The following SLC14A2 variants were observed in gnomAD, a reference collection of about 807,000 sequenced individuals.
SLC14A2 encodes the protein solute carrier family 14 member 2, also known as urea transporter 2.
In SLC14A2, 91 loss-of-function variants were observed where a neutral mutation model predicts 104.6. The observed-to-expected ratio is 0.87, with a 90% confidence interval of 0.73 to 1.04. The LOEUF is 1.04. SLC14A2 is among the 50% of genes least tolerant of loss of function. The pLI is 0.00. For synonymous variants in SLC14A2, 476 were observed against 466.4 expected (o/e 1.02, Z -0.27); for missense variants, 1,189 against 1,156.0 (o/e 1.03, Z -0.41).
At chr18:45,653,831 T>C (rs2045782839) in intron 10 of SLC14A2, among the ~76,000 whole-genome samples, 1 of 152,190 alleles carries the variant, frequency 6.6e-6, no homozygotes, top group African/African-American at 2.4e-5. Context: ...CTGATGGCAA[T>C]ACTGTTCCCC....
intron 1 of SLC14A2, among the ~76,000 whole-genome samples, chr18:45,295,443 C>T (rs760080324): frequency 1.3e-5 from 2 of 151,990 alleles, no homozygotes; most frequent in Non-Finnish European, 2.9e-5. Context: ...TATGGCTGCC[C>T]AAGGTCATCA....
intron 1 of SLC14A2, among the ~76,000 whole-genome samples, chr18:45,285,661 G>T (rs2084805822): frequency 8.0e-6 from 1 of 124,982 alleles, no homozygotes; most frequent in African/African-American, 2.7e-5. Context: ...CAGGTGATCT[G>T]CCCCCCCCCC....
At chr18:45,169,716 T>A in the SLC14A2 span, among the ~76,000 whole-genome samples, 1 of 152,220 alleles carries the variant, frequency 6.6e-6, no homozygotes, top group Non-Finnish European at 1.5e-5. Context: ...CACAGTGGCT[T>A]CTTTACCCTA....
intron 2 of SLC14A2, among the ~76,000 whole-genome samples, chr18:45,500,576 CAAAAAA>C (rs34543837): frequency 1.3e-4 from 12 of 93,910 alleles, no homozygotes; most frequent in South Asian, 3.7e-4. Flanking sequence ...GACTCCGTCT[CAAAAAA>C]AAAAAAAAAA....
intron 1 of SLC14A2, among the ~76,000 whole-genome samples, chr18:45,366,549 T>C (rs1278807971): frequency 1.3e-5 from 2 of 152,158 alleles, no homozygotes; most frequent in Non-Finnish European, 2.9e-5. Context: ...ACCTCCCTTT[T>C]CAACATCTTT....
At chr18:45,183,710 TCTTTC>T in the SLC14A2 span, among the ~76,000 whole-genome samples, 1 of 151,552 alleles carries the variant, frequency 6.6e-6, no homozygotes. Context: ...TCTCCTTCTC[TCTTTC>T]TTTTCTTTCT....
intron 1 of SLC14A2, among the ~76,000 whole-genome samples, chr18:45,295,751 A>G (rs1033212740): frequency 6.6e-6 from 1 of 152,148 alleles, no homozygotes; most frequent in Admixed American, 6.5e-5. Context: ...TATGGGAACT[A>G]TCTGAAGGAC....
At chr18:45,460,607 A>G (rs976633223) in intron 1 of SLC14A2, among the ~76,000 whole-genome samples, 2 of 152,240 alleles carry the variant, frequency 1.3e-5, no homozygotes, top group African/African-American at 4.8e-5. Context: ...CGTGCTAAAT[A>G]AAGGAAATAT....
chr18:45,334,293 C>G (rs1236410336), intron 1 of SLC14A2, among the ~76,000 whole-genome samples: 1 of 152,194 alleles, frequency 6.6e-6, no homozygotes, highest in Non-Finnish European at 1.5e-5. Flanking sequence ...TGTTAACCCT[C>G]CATTACAAAC....
intron 1 of SLC14A2, among the ~76,000 whole-genome samples, chr18:45,327,427 G>T (rs1036733203): frequency 6.6e-6 from 1 of 152,024 alleles, no homozygotes; most frequent in Non-Finnish European, 1.5e-5. Flanking sequence ...AAGTACATTC[G>T]CAATGCCATG....
intron 1 of SLC14A2, among the ~76,000 whole-genome samples, chr18:45,401,429 G>C (rs2144452775): frequency 6.6e-6 from 1 of 152,268 alleles, no homozygotes. Context: ...CCAAGAAAAA[G>C]CAAAGGGGGA....
chr18:45,388,107 C>T (rs971862710), intron 1 of SLC14A2, among the ~76,000 whole-genome samples: 1 of 115,854 alleles, frequency 8.6e-6, no homozygotes, highest in Non-Finnish European at 1.6e-5. Context: ...GACGGAGTCT[C>T]ACTGTGTGCC....
chr18:45,343,483 CAG>C (rs1235290205), intron 1 of SLC14A2, among the ~76,000 whole-genome samples: 1 of 152,090 alleles, frequency 6.6e-6, no homozygotes, highest in African/African-American at 2.4e-5. Flanking sequence ...TACTGTGACA[CAG>C]GGAGAGTTCG....
intron 2 of SLC14A2, among the ~76,000 whole-genome samples, chr18:45,492,593 A>G (rs2043021417): frequency 6.6e-6 from 1 of 152,210 alleles, no homozygotes; most frequent in African/African-American, 2.4e-5. Context: ...TCAGGATTAG[A>G]TTTGGGTGGG....
chr18:45,254,702 GA>G (rs2084458220), intron 1 of SLC14A2, among the ~76,000 whole-genome samples: 2 of 152,120 alleles, frequency 1.3e-5, no homozygotes, highest in African/African-American at 4.8e-5. Context: ...CAATCTCGGT[GA>G]AAATAAGAGG....
At chr18:45,403,811 G>C (rs1386342504) in intron 1 of SLC14A2, among the ~76,000 whole-genome samples, 3 of 140,484 alleles carry the variant, frequency 2.1e-5, no homozygotes, top group Admixed American at 1.4e-4. Flanking sequence ...CTATGAGTCA[G>C]ATTGCATCAC....
intron 1 of SLC14A2, among the ~76,000 whole-genome samples, chr18:45,223,814 G>A (rs2084087209): frequency 6.6e-6 from 1 of 152,190 alleles, no homozygotes; most frequent in Non-Finnish European, 1.5e-5. Flanking sequence ...AGACCTTCAA[G>A]GCTCTAGACT....
chr18:45,432,244 T>A (rs147457024), intron 1 of SLC14A2, among the ~76,000 whole-genome samples: 145 of 152,148 alleles, frequency 9.5e-4, no homozygotes, highest in African/African-American at 3.3e-3. Context: ...TGCATGACAA[T>A]GAAGGAATGA....
intron 1 of SLC14A2, among the ~76,000 whole-genome samples, chr18:45,393,059 G>A (rs1469063876): frequency 6.6e-6 from 1 of 152,172 alleles, no homozygotes; most frequent in Non-Finnish European, 1.5e-5. Context: ...ATCTGAATAA[G>A]TGATTGACCT....
Sources: allele counts gnomAD v4.1 joint callset (sites outside exome capture counted in the v4.1 genomes callset), GRCh38; gene constraint gnomAD v4.1.1; transcripts MANE v1.5; gene names NCBI Gene and HGNC (gene_info 2026-07-23, HGNC 2026-07-21).